Variants in RUBCN observed in about 807,000 individuals in gnomAD.
RUBCN encodes the protein rubicon autophagy regulator.
A neutral mutation model predicts 113.2 loss-of-function variants in RUBCN; 74 were observed. The observed-to-expected ratio is 0.65, with a 90% CI of 0.54 to 0.79. The LOEUF is 0.79. Ranked by LOEUF, RUBCN falls within the 30% of genes least tolerant of loss-of-function variation. The pLI, the probability that RUBCN is intolerant of heterozygous loss-of-function variation, is 0.00. For synonymous variants in RUBCN, 480 were observed against 490.0 expected (o/e 0.98, Z 0.27); for missense variants, 1,109 against 1,251.7 (o/e 0.89, Z 1.72).
intron 18 of RUBCN, chr3:197,676,617 C>A: frequency 7.5e-7 from 1 of 1,341,674 alleles, no homozygotes; most frequent in Non-Finnish European, 9.6e-7. Flanking sequence ...CTGGCCAACA[C>A]TTCTTGAGTG....
rs372647419 is a variant in RUBCN at position 197,700,723 on chromosome 3, A to G, written c.1151T>C (p.Leu384Pro). 1.2e-5 allele frequency: 19 copies of G among 1,614,060 alleles called. No homozygotes were observed. Among genetic ancestry groups the G allele is most frequent in the Non-Finnish European group, 1.4e-5 (17 of 1,180,036 alleles). The change falls in exon 7 of 20, where the codon CTC becomes CCC. Residue 384 changes from leucine to proline, a missense_variant. Leu to Pro is a moderately conservative substitution (Grantham distance 98). Transcript: ENST00000296343. Reference protein sequence around the residue: ...GGGESQLSSVLRRSSFSEGQT... With the variant: ...GGGESQLSSVPRRSSFSEGQT... ...CCCCTCTGAGAAGCTGGACCTGCGG[A>G]GGACACTGGACAGCTGGCTCTCCCC...
chr3:197,736,841 G>T lies in RUBCN; in HGVS notation c.-122C>A. On this transcript the variant is annotated 5_prime_UTR_variant, in exon 1 of 20. Coordinates refer to ENST00000296343, the MANE Select transcript of RUBCN (RefSeq NM_014687.4). Reference sequence around the variant, plus strand: ...GCGGCCGGTGGGCTCCGGGTGATGCGCTACACCCGGGCGGCGACAGCGGGA... The same window carrying T: ...GCGGCCGGTGGGCTCCGGGTGATGCTCTACACCCGGGCGGCGACAGCGGGA... 7.2e-7 allele frequency: 1 copy of T among 1,393,610 alleles called. No individual in the cohort carries two copies. The highest frequency in any genetic ancestry group is 1.5e-5 in the African/African-American group (1 of 65,256). 86.3% of individuals were successfully genotyped at this position (1,393,610 alleles called of 1,614,324 possible).
chr3:197,700,920 G>C lies in RUBCN; in HGVS notation c.954C>G (p.Ala318=), dbSNP rs1426182814. 6.2e-7 allele frequency: 1 copy of C among 1,614,086 alleles called. No homozygotes were observed. The highest frequency in any genetic ancestry group is 8.5e-7 in the Non-Finnish European group (1 of 1,180,050). ...VSSQNDSPGD[A]SEGPEYLAIG... Reference sequence around the variant, plus strand: ...TGGCCAGGTACTCAGGCCCCTCACTGGCATCACCTGGGGAATCATTCTGGC... The same window carrying C: ...TGGCCAGGTACTCAGGCCCCTCACTCGCATCACCTGGGGAATCATTCTGGC... The change falls in exon 7 of 20, where the codon GCC becomes GCG. Residue 318 remains alanine (A), a synonymous_variant. Coordinates refer to ENST00000296343, the MANE Select transcript of RUBCN (RefSeq NM_014687.4).
chr3:197,672,727 C>CT lies in RUBCN; in HGVS notation c.*2290dup, dbSNP rs1387448509. ...TTGTTTTTTGAGACGGAGTCTCACTCTGTCACCCAGGCTGGAGTGCGGTGG... is the reference window on the plus strand; with the variant it reads ...TTGTTTTTTGAGACGGAGTCTCACTCTTGTCACCCAGGCTGGAGTGCGGTGG... On this transcript the variant is annotated 3_prime_UTR_variant, in exon 20 of 20. Transcript: ENST00000296343. 1 of 152,444 alleles carries CT rather than the reference C, an allele frequency of 6.6e-6. No individual in the cohort carries two copies. The highest frequency in any genetic ancestry group is 1.5e-5 in the Non-Finnish European group (1 of 68,180). The allele number at this position is 152,444 out of a possible 1,614,324, so 9.4% of individuals were successfully genotyped here. A position where few individuals can be genotyped will look rare whatever the true frequency, so the allele number is the denominator to read the frequency against.
upstream of RUBCN, among the ~76,000 whole-genome samples, chr3:197,737,794 C>T (rs996886558): frequency 4.6e-5 from 7 of 152,174 alleles, no homozygotes; most frequent in Admixed American, 2.0e-4. Flanking sequence ...AGATAGGAGA[C>T]TGGTCATCCT....
At position 197,744,934 on chromosome 3, in the gene RUBCN, T is replaced by TG. The variant is rs1290665514; in HGVS notation, c.-116+4334_-116+4335insC. Among the ~76,000 whole-genome samples, 5 of 152,286 alleles carry TG rather than the reference T, an allele frequency of 3.3e-5. No homozygotes were observed. The East Asian group carries it at 9.6e-4, about 29-fold the overall frequency. ...CAGGTATATATCCTGTACACCTGTA[T>TG]AAACTGCATACTTTCAGTATGTGTC... is the stretch of plus-strand genomic sequence containing the variant. On this transcript the variant is annotated intron_variant, in intron 1 of 20. Coordinates refer to the RUBCN transcript ENST00000273582.
intron 16 of RUBCN, among the ~76,000 whole-genome samples, chr3:197,680,329 C>T (rs559041942): frequency 1.4e-5 from 2 of 140,714 alleles, no homozygotes; most frequent in African/African-American, 5.4e-5. Context: ...TACGCTCTGA[C>T]AACTGGCTCC....
intron 2 of RUBCN, among the ~76,000 whole-genome samples, chr3:197,714,362 T>TCCCTCTAGGCTA (rs1462918702): frequency 5.9e-5 from 9 of 152,254 alleles, no homozygotes; most frequent in African/African-American, 2.2e-4. Context: ...AGACAGGGTC[T>TCCCTCTAGGCTA]CCCTCTAGGC....
chr3:197,747,315 C>T lies in RUBCN; in HGVS notation c.-116+1954G>A, dbSNP rs554746008. ...GCTAGGACTGTTTAATCAAATACTG[C>T]AGCATGGCCTTTTGCACTATAGAGA... On this transcript the variant is annotated intron_variant, in intron 1 of 20. Coordinates refer to the RUBCN transcript ENST00000273582. 3.3e-5 allele frequency among the ~76,000 whole-genome samples: 5 copies of T among 151,928 alleles called. No homozygotes were observed. In the South Asian group the frequency reaches 8.3e-4, roughly 25 times the overall value.
chr3:197,694,649 A>G (rs1722809204), intron 9 of RUBCN, 64 bp from the exon 10 acceptor site: 2 of 1,437,348 alleles, frequency 1.4e-6, no homozygotes, highest in Non-Finnish European at 2.0e-6. Context: ...ACTCATTATA[A>G]TGTGGAAAAG....
In RUBCN at chr3:197,718,197, G is replaced by GA. The variant is rs374832570; in HGVS notation, c.66-68dup. The GA allele has an allele frequency of 3.1e-4, 488 of 1,587,930 alleles. 2 individuals are homozygous for GA. Among genetic ancestry groups the GA allele is most frequent in the Non-Finnish European group, 3.6e-4 (416 of 1,156,466 alleles). On this transcript the variant is annotated intron_variant, in intron 1 of 19. Transcript: ENST00000296343. Reference sequence around the variant, plus strand: ...TGTACTTGATCCTGATCATATCAAAGAAAGTCTAAGCCGAGGAGCCTCCTG... The same window carrying GA: ...TGTACTTGATCCTGATCATATCAAAGAAAAGTCTAAGCCGAGGAGCCTCCTG...
At chr3:197,694,212 G>A (rs1181727368) in intron 10 of RUBCN, 163 bp downstream of exon 10, 1 of 766,982 alleles carries the variant, frequency 1.3e-6, no homozygotes, top group Admixed American at 1.9e-5. Flanking sequence ...TATTTCTGAT[G>A]CAGGAAACGG....
At chr3:197,747,887 C>G (rs1464000835) in intron 1 of RUBCN, among the ~76,000 whole-genome samples, 1 of 151,128 alleles carries the variant, frequency 6.6e-6, no homozygotes, top group Non-Finnish European at 1.5e-5. Flanking sequence ...AAAGTTATCA[C>G]TCAATAAAAC....
intron 10 of RUBCN, 30 bp from the exon 11 acceptor site, chr3:197,693,846 A>T: frequency 6.7e-7 from 1 of 1,482,326 alleles, no homozygotes; most frequent in Non-Finnish European, 9.4e-7. Flanking sequence ...AAAGGAATAA[A>T]CAGGGCAGAA....
chr3:197,713,994 T>TAAACCCGGGAGGCA (rs1725243752), intron 2 of RUBCN, among the ~76,000 whole-genome samples: 1 of 151,668 alleles, frequency 6.6e-6, no homozygotes, highest in Non-Finnish European at 1.5e-5. Context: ...GAGAATGGCG[T>TAAACCCGGGAGGCA]AAACCCGGGA....
chr3:197,675,726 CCGGAGAAGCTCCGACCCCCAGCG>C lies in RUBCN; in HGVS notation c.2647-234_2647-212del, dbSNP rs376182886. On this transcript the variant is annotated intron_variant, in intron 18 of 19. Coordinates refer to ENST00000296343, the MANE Select transcript of RUBCN (RefSeq NM_014687.4). This position sits in a 1 kb window ranked among gnomAD's most constrained non-coding sequence, Gnocchi z 4.4. The stretch of plus-strand genomic sequence containing the variant: ...AGGCAGAAGATCAGACAGGCACCAG[CCGGAGAAGCTCCGACCCCCAGCG>C]CGGCTCTCCATGAAGAGAGGAGAAG... 7.6e-4 allele frequency among the ~76,000 whole-genome samples: 116 copies of C among 152,268 alleles called. No individual in the cohort carries two copies. Among genetic ancestry groups the C allele is most frequent in the African/African-American group, 2.7e-3 (111 of 41,538 alleles).
At position 197,675,447 on chromosome 3, in the gene RUBCN, C is replaced by T. The variant is rs1001892842; in HGVS notation, c.2715G>A (p.Glu905=). The stretch of plus-strand genomic sequence containing the variant: ...CTTCACAGGTCCGGCACTTATGGAG[C>T]TCAAAGGGAAAGATGATGTCATCCT... ...QNEDDIIFPF[E]LHKCRTCEEC... is the part of the protein sequence containing the mutation. The change falls in exon 19 of 20, where the codon GAG becomes GAA. Residue 905 remains glutamate (E), a synonymous_variant. Transcript: ENST00000296343. The surrounding 1 kb of genome is among the most constrained non-coding windows in gnomAD (Gnocchi z 4.4). The T allele has an allele frequency of 1.4e-5, 22 of 1,613,900 alleles. No homozygotes were observed. The highest frequency in any genetic ancestry group is 1.8e-5 in the Non-Finnish European group (21 of 1,180,008).
chr3:197,706,864 C>CG (rs1158724707), intron 2 of RUBCN, among the ~76,000 whole-genome samples: 1 of 152,066 alleles, frequency 6.6e-6, no homozygotes, highest in Non-Finnish European at 1.5e-5. Context: ...AAGTGAGAAC[C>CG]GGAAATGTCA....
At chr3:197,685,260 T>C (rs1309385087) in intron 11 of RUBCN, among the ~76,000 whole-genome samples, 1 of 152,204 alleles carries the variant, frequency 6.6e-6, no homozygotes, top group African/African-American at 2.4e-5. Flanking sequence ...ATCCAGGTCA[T>C]GAAAACAAGA....
Sources: allele counts gnomAD v4.1 joint callset (sites outside exome capture counted in the v4.1 genomes callset), GRCh38; gene constraint gnomAD v4.1.1; non-coding constraint Gnocchi (gnomAD v3.1); transcripts MANE v1.5; gene names NCBI Gene and HGNC (gene_info 2026-07-23, HGNC 2026-07-21).